NAALADL2: variants seen among roughly 807,000 people sequenced by gnomAD.
NAALADL2 encodes N-acetylated alpha-linked acidic dipeptidase like 2.
Under a neutral mutation model 87.2 loss-of-function variants are expected in NAALADL2, and 76 were observed. The ratio of observed to expected loss-of-function variants is 0.87; its 90% confidence interval spans 0.72 to 1.05. The LOEUF is 1.05. NAALADL2 is among the 50% of genes least tolerant of loss of function. The probability of loss-of-function intolerance (pLI) is 0.00; values close to 1 mark genes in which losing one functional copy is unlikely to be tolerated. For missense variants in NAALADL2, 1,089 were observed against 945.8 expected (o/e 1.15, Z -1.99); for synonymous variants, 354 against 331.0 (o/e 1.07, Z -0.75).
chr3:174,445,408 C>T (rs1714980043), intron 1 of NAALADL2, among the ~76,000 whole-genome samples: 1 of 151,982 alleles, frequency 6.6e-6, no homozygotes, highest in African/African-American at 2.4e-5. Context: ...AGTTATGTCC[C>T]CAGGTAGTTT....
intron 5 of NAALADL2, among the ~76,000 whole-genome samples, chr3:175,336,127 CT>C (rs11368865): frequency 6.6e-6 from 1 of 151,348 alleles, no homozygotes; most frequent in East Asian, 1.9e-4. Context: ...TCTGAAGCTT[CT>C]TTTTTTTTCC....
rs143947350 is a variant in NAALADL2 at position 175,414,869 on chromosome 3, A to G, written c.1091-32360A>G. 7.3e-3 allele frequency among the ~76,000 whole-genome samples: 1,105 copies of G among 152,270 alleles called. 15 individuals carry two copies. The highest frequency in any genetic ancestry group is 0.025 in the African/African-American group (1,050 of 41,556). ...GCTTACAGCTCACTTTGCAAAGACA[A>G]AAAGATATGAGAAGAAATTTAGCTG... On this transcript the variant is annotated intron_variant, in intron 5 of 13. Transcript: ENST00000454872.
At chr3:175,607,274 T>C (rs1723886078) in intron 10 of NAALADL2, among the ~76,000 whole-genome samples, 1 of 152,248 alleles carries the variant, frequency 6.6e-6, no homozygotes, top group Non-Finnish European at 1.5e-5. Flanking sequence ...ATTTATAATC[T>C]CATATTCATT....
At chr3:175,643,852 C>T (rs1022198518) in intron 11 of NAALADL2, among the ~76,000 whole-genome samples, 2 of 152,162 alleles carry the variant, frequency 1.3e-5, no homozygotes, top group East Asian at 3.8e-4. Flanking sequence ...CATACACAGG[C>T]GGCCTCTAAT....
intron 2 of NAALADL2, among the ~76,000 whole-genome samples, chr3:175,211,123 T>C (rs1031117051): frequency 4.6e-5 from 7 of 151,888 alleles, no homozygotes; most frequent in African/African-American, 1.7e-4. Context: ...ATGGAGCAGT[T>C]TATTTCAGTA....
chr3:175,054,980 G>C (rs7612172), intron 1 of NAALADL2, among the ~76,000 whole-genome samples: 1 of 150,236 alleles, frequency 6.7e-6, no homozygotes, highest in Admixed American at 6.7e-5. Context: ...GATATACTTC[G>C]GGGGCTTTAC....
intron 11 of NAALADL2, among the ~76,000 whole-genome samples, chr3:175,667,262 A>AAAGAAAGAAAGAAAGG (rs1560943971): frequency 9.7e-5 from 14 of 144,248 alleles, no homozygotes; most frequent in African/African-American, 3.9e-4. Flanking sequence ...AGAAAGAAAG[A>AAAGAAAGAAAGAAAGG]AAGGAAGGAA....
intron 3 of NAALADL2, among the ~76,000 whole-genome samples, chr3:174,826,796 A>G (rs1722050398): frequency 1.3e-5 from 2 of 152,200 alleles, no homozygotes; most frequent in African/African-American, 4.8e-5. Flanking sequence ...CAGAAGTCCT[A>G]GATAGCATTT....
At chr3:175,277,820 T>C (rs1753794214) in intron 4 of NAALADL2, among the ~76,000 whole-genome samples, 1 of 152,174 alleles carries the variant, frequency 6.6e-6, no homozygotes, top group Non-Finnish European at 1.5e-5. Flanking sequence ...ATCATTCTAG[T>C]TTACTTGTAT....
chr3:174,601,530 A>G (rs1718461201), intron 2 of NAALADL2, among the ~76,000 whole-genome samples: 2 of 152,094 alleles, frequency 1.3e-5, no homozygotes, highest in African/African-American at 4.8e-5. Context: ...AGCTTCTTAT[A>G]TATTCCAGTT....
intron 11 of NAALADL2, among the ~76,000 whole-genome samples, chr3:175,702,245 A>T (rs755610772): frequency 5.3e-5 from 8 of 152,176 alleles, no homozygotes; most frequent in Non-Finnish European, 1.0e-4. Context: ...TGCACGTCAC[A>T]ATGCACTAAG....
chr3:175,123,384 C>A lies in NAALADL2; in HGVS notation c.545+26093C>A, dbSNP rs143955674. Among the ~76,000 whole-genome samples, 97 of 152,032 alleles carry A rather than the reference C, an allele frequency of 6.4e-4. 1 individual carries two copies. The East Asian group carries it at 0.018, about 28-fold the overall frequency. Reference sequence around the variant, plus strand: ...CCAAGTCATGATTTCTGTCATGAAACCTTTTTAACTTCCGAGTACTTGGCA... The same window carrying A: ...CCAAGTCATGATTTCTGTCATGAAAACTTTTTAACTTCCGAGTACTTGGCA... On this transcript the variant is annotated intron_variant, in intron 2 of 13. Transcript: ENST00000454872.
At chr3:174,779,978 T>C (rs1268580234) in intron 3 of NAALADL2, among the ~76,000 whole-genome samples, 1 of 152,118 alleles carries the variant, frequency 6.6e-6, no homozygotes, top group Non-Finnish European at 1.5e-5. Context: ...TCCATATAAA[T>C]TTAAAGTAGT....
chr3:175,698,967 C>T (rs1738594421), intron 11 of NAALADL2, among the ~76,000 whole-genome samples: 1 of 151,968 alleles, frequency 6.6e-6, no homozygotes, highest in African/African-American at 2.4e-5. Context: ...ACACAGTAAG[C>T]TCAAACTTTG....
At chr3:175,319,291 G>C (rs918773508) in intron 4 of NAALADL2, among the ~76,000 whole-genome samples, 2 of 152,130 alleles carry the variant, frequency 1.3e-5, no homozygotes, top group African/African-American at 4.8e-5. Context: ...GTTTTACTTA[G>C]GTTCTCAATG....
At chr3:174,687,342 A>G (rs1190250523) in intron 2 of NAALADL2, among the ~76,000 whole-genome samples, 1 of 151,998 alleles carries the variant, frequency 6.6e-6, no homozygotes. Flanking sequence ...AACCCTACCC[A>G]ATGCACTCTA....
At position 175,516,530 on chromosome 3, in the gene NAALADL2, T is replaced by C. The variant is rs186847723; in HGVS notation, c.1653+44772T>C. On this transcript the variant is annotated intron_variant, in intron 9 of 13. Transcript: ENST00000454872. ...GGGATTCAATAATCAATCCCCTTTC[T>C]GAGATTTTAGCCATGAACCTGAAAT... Among the ~76,000 whole-genome samples the C allele has an allele frequency of 5.3e-5, 8 of 152,318 alleles. No individual in the cohort carries two copies. The East Asian group carries it at 1.5e-3, about 29-fold the overall frequency.
At chr3:175,159,150 T>C (rs1732751038) in intron 2 of NAALADL2, among the ~76,000 whole-genome samples, 1 of 152,190 alleles carries the variant, frequency 6.6e-6, no homozygotes, top group South Asian at 2.1e-4. Flanking sequence ...TAAATTATTT[T>C]AGATGAATGT....
intron 2 of NAALADL2, among the ~76,000 whole-genome samples, chr3:174,601,439 T>A (rs1294624502): frequency 6.6e-6 from 1 of 152,202 alleles, no homozygotes; most frequent in Non-Finnish European, 1.5e-5. Flanking sequence ...TTTGTATGTC[T>A]TCTTTTGAAA....
Sources: gnomAD v4.1 joint callset for allele counts (sites outside exome capture counted in the v4.1 genomes callset) on GRCh38, gnomAD v4.1.1 for gene constraint, MANE v1.5 for transcripts, NCBI Gene and HGNC (gene_info 2026-07-23, HGNC 2026-07-21) for gene names.